The following BIVM variants were observed in gnomAD, a reference collection of about 807,000 sequenced individuals.
BIVM encodes basic, immunoglobulin-like variable motif containing.
BIVM carries 31 observed loss-of-function variants against 61.4 expected under a neutral mutation model. The observed-to-expected ratio is 0.51, with a 90% CI of 0.38 to 0.68. The LOEUF (loss-of-function observed/expected upper bound fraction) is 0.68, where lower values mean the gene tolerates loss of function less well. Ranked by LOEUF, BIVM falls within the 30% of genes least tolerant of loss-of-function variation. The probability of loss-of-function intolerance (pLI) is 0.00; values close to 1 mark genes in which losing one functional copy is unlikely to be tolerated. For missense variants in BIVM, 526 were observed against 596.0 expected, an observed-to-expected ratio of 0.88 and a Z score of 1.22; for synonymous variants, 189 against 210.7, an observed-to-expected ratio of 0.90 and a Z score of 0.89.
intron 10 of BIVM, 38 bp from the exon 11 acceptor site, chr13:102,839,534 C>T (rs1881700522): frequency 6.2e-7 from 1 of 1,604,990 alleles, no homozygotes; most frequent in South Asian, 1.1e-5. Context: ...CAATTAATTT[C>T]CCTTTATTTT....
chr13:102,807,080 C>A lies in BIVM; in HGVS notation c.-122-66C>A. The A allele has an allele frequency of 3.6e-6, 2 of 561,512 alleles. No individual in the cohort carries two copies. Among genetic ancestry groups the A allele is most frequent in the Non-Finnish European group, 3.0e-6 (1 of 331,100 alleles). 34.8% of individuals were successfully genotyped at this position (561,512 alleles called of 1,614,324 possible). A position where few individuals can be genotyped will look rare whatever the true frequency, so the allele number is the denominator to read the frequency against. ...AAGGCATATGTATGCATAAAACTTGCTATGCTTTTTAGTGGCTCTTTGTGT... is the reference window on the plus strand; with the variant it reads ...AAGGCATATGTATGCATAAAACTTGATATGCTTTTTAGTGGCTCTTTGTGT... On this transcript the variant is annotated intron_variant, in intron 2 of 10. Transcript: ENST00000257336. This position sits in a 1 kb window ranked among gnomAD's most constrained non-coding sequence, Gnocchi z 4.0.
chr13:102,809,684 T>C (rs1879343244), intron 3 of BIVM, among the ~76,000 whole-genome samples: 1 of 152,232 alleles, frequency 6.6e-6, no homozygotes, highest in African/African-American at 2.4e-5. Flanking sequence ...TTTACTGTCT[T>C]AACCATTTTT....
rs527279020 is a variant in BIVM at position 102,807,261 on chromosome 13, G to A, written c.-7G>A. 1 of 1,590,602 alleles carries A rather than the reference G, an allele frequency of 6.3e-7. No individual in the cohort carries two copies. Among genetic ancestry groups the A allele is most frequent in the Non-Finnish European group, 8.6e-7 (1 of 1,166,686 alleles). ...TTCTAGTAATAGAAACTTTTACACT[G>A]CATTCAATGCCTAACGTTGCAGAAA... On this transcript the variant is annotated 5_prime_UTR_variant, in exon 3 of 11. Coordinates refer to ENST00000257336, the MANE Select transcript of BIVM (RefSeq NM_017693.4). This position sits in a 1 kb window ranked among gnomAD's most constrained non-coding sequence, Gnocchi z 4.0.
chr13:102,817,881 A>G (rs1272470941), intron 4 of BIVM, among the ~76,000 whole-genome samples: 2 of 152,170 alleles, frequency 1.3e-5, no homozygotes, highest in Non-Finnish European at 2.9e-5. Context: ...ATATATTTTT[A>G]TCACTTATTT....
chr13:102,831,985 C>CG (rs1555323464), intron 8 of BIVM, among the ~76,000 whole-genome samples: 1 of 149,102 alleles, frequency 6.7e-6, no homozygotes, highest in African/African-American at 2.5e-5. Context: ...GCAGAACTTG[C>CG]AAAAAAAAAA....
chr13:102,830,066 T>G (rs1880958799), intron 7 of BIVM, among the ~76,000 whole-genome samples: 1 of 152,150 alleles, frequency 6.6e-6, no homozygotes, highest in African/African-American at 2.4e-5. Flanking sequence ...CTTTCCTCTG[T>G]CTAGATTGTT....
chr13:102,840,948 G>A lies in BIVM; in HGVS notation c.*1083G>A, dbSNP rs1595370365. 6.6e-6 allele frequency: 1 copy of A among 152,474 alleles called. No homozygotes were observed. Among genetic ancestry groups the A allele is most frequent in the East Asian group, 1.9e-4 (1 of 5,198 alleles). The allele number at this position is 152,474 out of a possible 1,614,324, so 9.4% of individuals were successfully genotyped here. On this transcript the variant is annotated 3_prime_UTR_variant, in exon 11 of 11. Transcript: ENST00000257336. ...GATATTTGATTGCTTTCTCAGTATG[G>A]AGTCATATGTTGATAACAGTACTGA... is the stretch of plus-strand genomic sequence containing the variant.
At chr13:102,815,966 TA>T (rs770044423) in intron 3 of BIVM, among the ~76,000 whole-genome samples, 18 of 152,206 alleles carry the variant, frequency 1.2e-4, no homozygotes, top group Non-Finnish European at 2.2e-4. Flanking sequence ...CTGGTGCTTT[TA>T]CTTTCTTAAC....
At chr13:102,818,225 G>T (rs1042191395) in intron 4 of BIVM, among the ~76,000 whole-genome samples, 1 of 152,160 alleles carries the variant, frequency 6.6e-6, no homozygotes, top group Non-Finnish European at 1.5e-5. Flanking sequence ...GCTCAGAGAG[G>T]CCAAGAAACC....
intron 10 of BIVM, 87 bp downstream of exon 10, chr13:102,838,826 C>T (rs1881651466): frequency 5.1e-6 from 6 of 1,186,532 alleles, no homozygotes; most frequent in African/African-American, 3.1e-5. Context: ...TTGCAAGTAA[C>T]AGAAACCTAT....
At position 102,807,732 on chromosome 13, in the gene BIVM, G is replaced by A. The variant is rs148446668; in HGVS notation, c.465G>A (p.Ser155=). 7.7e-5 allele frequency: 124 copies of A among 1,609,656 alleles called. 1 individual carries two copies. In the Middle Eastern group the frequency reaches 3.5e-3, roughly 45 times the overall value. Residue 155 remains serine (S), a synonymous_variant, in exon 3 of 11, where the codon TCG becomes TCA. Coordinates refer to ENST00000257336, the MANE Select transcript of BIVM (RefSeq NM_017693.4). The surrounding 1 kb of genome is among the most constrained non-coding windows in gnomAD (Gnocchi z 4.0). ...AATTTGATGGGGTGACCACAAATTCGAAACACAAATCAGGTAAGGAGGGAG... is the reference window on the plus strand; with the variant it reads ...AATTTGATGGGGTGACCACAAATTCAAAACACAAATCAGGTAAGGAGGGAG... The part of the protein sequence containing the change: ...KSEFDGVTTN[S]KHKSGNAKKQ...
intron 4 of BIVM, chr13:102,820,243 T>C (rs1341506209): frequency 6.6e-6 from 1 of 151,222 alleles, no homozygotes; most frequent in East Asian, 2.0e-4. Flanking sequence ...TCCCAGCTAC[T>C]CGGGAGGCTG....
intron 3 of BIVM, among the ~76,000 whole-genome samples, chr13:102,808,834 CTTAAAG>C (rs1169519796): frequency 3.3e-5 from 5 of 152,038 alleles, no homozygotes; most frequent in East Asian, 1.9e-4. Context: ...AATTTGGGGG[CTTAAAG>C]TTAATGTTAT....
chr13:102,806,767 G>A (rs946712004), intron 2 of BIVM, among the ~76,000 whole-genome samples: 18 of 151,804 alleles, frequency 1.2e-4, no homozygotes, highest in Admixed American at 1.1e-3. Flanking sequence ...AAAATTAGCC[G>A]GGCGTGGTGG....
chr13:102,825,860 T>C (rs1485988382), intron 7 of BIVM, among the ~76,000 whole-genome samples: 1 of 152,198 alleles, frequency 6.6e-6, no homozygotes, highest in Non-Finnish European at 1.5e-5. Flanking sequence ...CTTCGTCTCC[T>C]GGGTTGTCAC....
chr13:102,810,006 C>G (rs1163746356), intron 3 of BIVM, among the ~76,000 whole-genome samples: 2 of 152,120 alleles, frequency 1.3e-5, no homozygotes, highest in African/African-American at 4.8e-5. Context: ...ACCTCCTGAC[C>G]TCGTGATCCG....
intron 5 of BIVM, 34 bp from the exon 6 acceptor site, chr13:102,821,709 G>A (rs1430331529): frequency 6.2e-7 from 1 of 1,600,332 alleles, no homozygotes; most frequent in South Asian, 1.1e-5. Context: ...GACTGGAATT[G>A]AAAAATGAAA....
intron 4 of BIVM, among the ~76,000 whole-genome samples, chr13:102,818,354 C>T (rs780340101): frequency 1.3e-5 from 2 of 151,944 alleles, no homozygotes; most frequent in African/African-American, 2.4e-5. Flanking sequence ...ATATCAGGCT[C>T]AATATTTAGA....
At chr13:102,811,774 C>T in intron 3 of BIVM, among the ~76,000 whole-genome samples, 1 of 152,252 alleles carries the variant, frequency 6.6e-6, no homozygotes, top group African/African-American at 2.4e-5. Context: ...CCGCCTGCCT[C>T]AGCCTCCCAA....
Sources: allele counts gnomAD v4.1 joint callset (sites outside exome capture counted in the v4.1 genomes callset), GRCh38; gene constraint gnomAD v4.1.1; non-coding constraint Gnocchi (gnomAD v3.1); transcripts MANE v1.5; gene names NCBI Gene and HGNC (gene_info 2026-07-23, HGNC 2026-07-21).